Variants in ATP6V0A1 observed in about 807,000 individuals in gnomAD.
ATP6V0A1 encodes V-type proton ATPase 116 kDa subunit a 1.
Under a neutral mutation model 105.4 loss-of-function variants are expected in ATP6V0A1, and 43 were observed. That is an observed-to-expected ratio of 0.41 (90% CI 0.32 to 0.53). The LOEUF (loss-of-function observed/expected upper bound fraction) is 0.53. ATP6V0A1 is among the 20% of genes least tolerant of loss of function. The probability of loss-of-function intolerance (pLI) is 0.30; values close to 1 mark genes in which losing one functional copy is unlikely to be tolerated. For missense variants in ATP6V0A1, 676 were observed against 1,051.1 expected (o/e 0.64, Z 4.93); for synonymous variants, 362 against 372.8 (o/e 0.97, Z 0.33).
intron 20 of ATP6V0A1, 51 bp downstream of exon 20, chr17:42,514,029 G>A (rs1307584412): frequency 5.8e-6 from 9 of 1,554,872 alleles, no homozygotes; most frequent in South Asian, 2.2e-5. Flanking sequence ...CTCTGTGGGC[G>A]CACTGTCAGT....
intron 2 of ATP6V0A1, among the ~76,000 whole-genome samples, chr17:42,463,939 G>A (rs2086733163): frequency 6.6e-6 from 1 of 152,174 alleles, no homozygotes; most frequent in Non-Finnish European, 1.5e-5. Context: ...TGTATTTACT[G>A]AAAGTGGATC....
intron 17 of ATP6V0A1, chr17:42,502,780 C>T (rs1039571976): frequency 1.3e-5 from 2 of 152,640 alleles, no homozygotes; most frequent in Non-Finnish European, 2.9e-5. Context: ...TTCTTTTCTT[C>T]CATTCACTAT....
chr17:42,494,539 A>C (rs973704838), intron 12 of ATP6V0A1, 66 bp downstream of exon 12: 12 of 1,519,518 alleles, frequency 7.9e-6, no homozygotes, highest in African/African-American at 4.2e-5. Context: ...CATTATGAAA[A>C]TTATGATCTG....
In ATP6V0A1 at chr17:42,503,454, A is replaced by G. The variant is rs2091832626; in HGVS notation, c.2004+2150A>G. On this transcript the variant is annotated intron_variant, in intron 17 of 21. Transcript: ENST00000343619. Reference sequence around the variant, plus strand: ...TCTCCGATGTGTCGTGTGTACTGTCATCTGGTGTCATAACCAAAGTGATCT... The same window carrying G: ...TCTCCGATGTGTCGTGTGTACTGTCGTCTGGTGTCATAACCAAAGTGATCT... Among the ~76,000 whole-genome samples, 3 of 152,186 alleles carry G rather than the reference A, an allele frequency of 2.0e-5. No homozygotes were observed. In the South Asian group the frequency reaches 6.2e-4, roughly 32 times the overall value.
Position 42,482,617 on chromosome 17 carries a change from C to T in ATP6V0A1, c.717-421C>T, listed in dbSNP as rs143887210. 1.8e-3 allele frequency among the ~76,000 whole-genome samples: 267 copies of T among 151,476 alleles called. 2 individuals are homozygous for T. Among genetic ancestry groups the T allele is most frequent in the African/African-American group, 6.2e-3 (258 of 41,306 alleles). On this transcript the variant is annotated intron_variant, in intron 8 of 21. Coordinates refer to ENST00000343619, the MANE Select transcript of ATP6V0A1 (RefSeq NM_001130021.3). The stretch of plus-strand genomic sequence containing the variant: ...CATTTTACGTAAGTGTTGACTTAGG[C>T]TGGGCATGATGGCTCATGCCTGTAA...
intron 7 of ATP6V0A1, among the ~76,000 whole-genome samples, chr17:42,479,870 C>T (rs958112761): frequency 2.6e-5 from 4 of 152,210 alleles, no homozygotes; most frequent in Non-Finnish European, 5.9e-5. Flanking sequence ...ATTTTATCAA[C>T]AAATCCAGAA....
At position 42,513,940 on chromosome 17, in the gene ATP6V0A1, C is replaced by T; in HGVS notation, c.2210C>T (p.Ser737Phe). 6.2e-7 allele frequency: 1 copy of T among 1,614,234 alleles called. No individual in the cohort carries two copies. The highest frequency in any genetic ancestry group is 1.3e-5 in the African/African-American group (1 of 75,066). The change falls in exon 20 of 22, where the codon TCC (serine) becomes TTC (phenylalanine). Residue 737 changes from serine to phenylalanine, a missense_variant. This residue lies in a region of ATP6V0A1 where 435 missense variants were observed against 642.2 expected (regional missense o/e 0.68). Transcript: ENST00000343619. ...CTGGGCTGCATCTCCAACACTGCCTCCTACTTGCGGCTCTGGGCCCTCAGC... is the reference window on the plus strand; with the variant it reads ...CTGGGCTGCATCTCCAACACTGCCTTCTACTTGCGGCTCTGGGCCCTCAGC... ...YCLGCISNTA[S>F]YLRLWALSLA...
In ATP6V0A1 at chr17:42,521,021, C is replaced by G. The variant is rs780646249; in HGVS notation, c.2421-6C>G. ...GAATGACAGCTTTCTTCTTCTCTTT[C>G]TCCAGGGTTGAGTTCCAGAATAAAT... On this transcript the variant is annotated splice_polypyrimidine_tract_variant and splice_region_variant and intron_variant, in intron 21 of 21. Transcript: ENST00000343619. The surrounding 1 kb of genome is among the most constrained non-coding windows in gnomAD (Gnocchi z 4.8). 6.3e-7 allele frequency: 1 copy of G among 1,588,918 alleles called. No homozygotes were observed. Among genetic ancestry groups the G allele is most frequent in the Non-Finnish European group, 8.6e-7 (1 of 1,167,244 alleles).
intron 10 of ATP6V0A1, among the ~76,000 whole-genome samples, chr17:42,489,434 G>A (rs1411702450): frequency 6.6e-6 from 1 of 152,092 alleles, no homozygotes; most frequent in African/African-American, 2.4e-5. Context: ...GGATTGAGGA[G>A]TGAAGAGATT....
chr17:42,462,727 A>G (rs1162304576), intron 2 of ATP6V0A1, among the ~76,000 whole-genome samples: 1 of 151,746 alleles, frequency 6.6e-6, no homozygotes, highest in Non-Finnish European at 1.5e-5. Flanking sequence ...GCCAACAGAT[A>G]TTTCAGTTTC....
intron 21 of ATP6V0A1, among the ~76,000 whole-genome samples, chr17:42,516,950 G>A (rs921215353): frequency 5.3e-5 from 8 of 152,226 alleles, no homozygotes; most frequent in African/African-American, 1.9e-4. Flanking sequence ...GCAAAAGCAG[G>A]TGCTCTAGGA....
intron 21 of ATP6V0A1, among the ~76,000 whole-genome samples, chr17:42,515,742 C>T (rs935537718): frequency 1.3e-5 from 2 of 150,448 alleles, no homozygotes; most frequent in Admixed American, 1.3e-4. Context: ...GAGCCAAGAT[C>T]GCGCCATTGT....
At chr17:42,468,211 C>T in intron 4 of ATP6V0A1, 104 bp downstream of exon 4, 1 of 630,414 alleles carries the variant, frequency 1.6e-6, no homozygotes, top group Non-Finnish European at 2.6e-6. Flanking sequence ...ACTTTGTCAG[C>T]ATTATCTACT....
chr17:42,508,975 G>A (rs1021402566), intron 19 of ATP6V0A1, among the ~76,000 whole-genome samples: 2 of 152,002 alleles, frequency 1.3e-5, no homozygotes, highest in Non-Finnish European at 1.5e-5. Context: ...GGGAGTAGCC[G>A]TTTCCTCCCT....
chr17:42,515,310 T>C (rs2092566106), intron 21 of ATP6V0A1, among the ~76,000 whole-genome samples: 1 of 150,454 alleles, frequency 6.6e-6, no homozygotes, highest in Admixed American at 6.6e-5. Flanking sequence ...CTACTAAATA[T>C]ACAAAAATTA....
At chr17:42,520,682 C>T (rs1325592525) in intron 21 of ATP6V0A1, 2 of 429,856 alleles carry the variant, frequency 4.7e-6, no homozygotes, top group Admixed American at 2.8e-5. Flanking sequence ...TGATCCCCTG[C>T]CAGGAGGGGG....
chr17:42,487,684 C>T lies in ATP6V0A1; in HGVS notation c.1023+317C>T, dbSNP rs371012450. Among the ~76,000 whole-genome samples, 551 of 151,744 alleles carry T rather than the reference C, an allele frequency of 3.6e-3. 9 individuals are homozygous for T. Among genetic ancestry groups the T allele is most frequent in the African/African-American group, 0.013 (523 of 41,322 alleles). ...CGGAGCTTGCAGTGAGCTGAGATTG[C>T]GCCACTGCATTCCAGCCTGGGCAAC... On this transcript the variant is annotated intron_variant, in intron 10 of 21. Coordinates refer to ENST00000343619, the MANE Select transcript of ATP6V0A1 (RefSeq NM_001130021.3).
intron 13 of ATP6V0A1, 80 bp from the exon 14 acceptor site, chr17:42,495,542 AATTT>A (rs2091074174): frequency 1.9e-6 from 2 of 1,042,782 alleles, no homozygotes; most frequent in African/African-American, 3.2e-5. Context: ...TAGCTACAGT[AATTT>A]ATTTTGGGGT....
Position 42,460,871 on chromosome 17 carries a change from A to T in ATP6V0A1, c.-24A>T. On this transcript the variant is annotated 5_prime_UTR_variant, in exon 2 of 22. Transcript: ENST00000343619. ...AGGTTGGAGAGAAATCCAGGTACTC[A>T]CTAGACTGGTACCTTCTGCCACCAT... 1 of 1,564,956 alleles carries T rather than the reference A, an allele frequency of 6.4e-7. No homozygotes were observed. Among genetic ancestry groups the T allele is most frequent in the Non-Finnish European group, 8.8e-7 (1 of 1,135,290 alleles).
Sources: allele counts gnomAD v4.1 joint callset (sites outside exome capture counted in the v4.1 genomes callset), GRCh38; gene constraint gnomAD v4.1.1; regional missense constraint gnomAD v4.1.1; non-coding constraint Gnocchi (gnomAD v3.1); transcripts MANE v1.5; gene names NCBI Gene and HGNC (gene_info 2026-07-23, HGNC 2026-07-21).